Variants in ZC3H12D observed in about 807,000 individuals in gnomAD.
ZC3H12D encodes the protein zinc finger CCCH-type containing 12D.
Under a neutral mutation model 24.2 loss-of-function variants are expected in ZC3H12D, and 11 were observed. The ratio of observed to expected loss-of-function variants is 0.46; its 90% CI spans 0.29 to 0.75. The LOEUF (loss-of-function observed/expected upper bound fraction) is 0.75, where lower values mean the gene tolerates loss of function less well. Among genes scored for constraint, ZC3H12D ranks in the 30% least tolerant of loss-of-function variants. The pLI is 0.11. For synonymous variants in ZC3H12D, 333 were observed against 341.8 expected, an observed-to-expected ratio of 0.97 and a Z score of 0.28; for missense variants, 740 against 767.7, an observed-to-expected ratio of 0.96 and a Z score of 0.43.
At position 149,465,770 on chromosome 6, in the gene ZC3H12D, G is replaced by C. The variant is rs922556577; in HGVS notation, c.306-3800C>G. Among the ~76,000 whole-genome samples the C allele has an allele frequency of 9.9e-5, 15 of 151,678 alleles. No individual in the cohort carries two copies. In the South Asian group the frequency reaches 1.0e-3, roughly 11 times the overall value. ...ACGCCATCTCAAAAAAAAAAAAGGG[G>C]GGGGGAAGAGGAAGCAGATCGCTGG... On this transcript the variant is annotated intron_variant, in intron 2 of 5. Transcript: ENST00000409806.
chr6:149,455,624 T>A (rs1211525766), intron 4 of ZC3H12D, among the ~76,000 whole-genome samples: 1 of 152,148 alleles, frequency 6.6e-6, no homozygotes, highest in East Asian at 1.9e-4. Flanking sequence ...CATAGCCGGT[T>A]GGTCTGGGAT....
Position 149,450,983 on chromosome 6 carries a change from G to A in ZC3H12D, c.1284C>T (p.Ser428=), listed in dbSNP as rs757390298. The A allele has an allele frequency of 3.9e-6, 6 of 1,520,954 alleles. No homozygotes were observed. The South Asian group carries it at 6.2e-5, about 16-fold the overall frequency. The allele number at this position is 1,520,954 out of a possible 1,614,324, so 94.2% of individuals were successfully genotyped here. A position where few individuals can be genotyped will look rare whatever the true frequency, so the allele number is the denominator to read the frequency against. The part of the protein sequence containing the change: ...RPRDLHGDLL[S]PRRPPDDPWA... ...ACGGGTCGTCGGGTGGCCTGCGCGG[G>A]GAAAGCAAGTCGCCGTGCAGGTCCC... The change falls in exon 6 of 6, where the codon TCC becomes TCT. Residue 428 remains serine, a synonymous_variant. Transcript: ENST00000409806.
chr6:149,472,791 G>A (rs972718803), intron 2 of ZC3H12D, among the ~76,000 whole-genome samples: 1 of 152,040 alleles, frequency 6.6e-6, no homozygotes, highest in Non-Finnish European at 1.5e-5. Flanking sequence ...TACAACCTTA[G>A]GGCTGGGAAG....
At chr6:149,466,659 C>T (rs1335191418) in intron 2 of ZC3H12D, among the ~76,000 whole-genome samples, 1 of 152,094 alleles carries the variant, frequency 6.6e-6, no homozygotes, top group African/African-American at 2.4e-5. Context: ...GGGCGGATCA[C>T]GAGGTCAGGA....
chr6:149,453,638 G>A (rs1775936212), intron 4 of ZC3H12D, among the ~76,000 whole-genome samples: 2 of 151,954 alleles, frequency 1.3e-5, no homozygotes, highest in Non-Finnish European at 2.9e-5. Flanking sequence ...CAAAAAAAAA[G>A]AACTTCCCAG....
chr6:149,462,069 G>A, intron 2 of ZC3H12D, 99 bp from the exon 3 acceptor site: 1 of 1,425,030 alleles, frequency 7.0e-7, no homozygotes, highest in Non-Finnish European at 9.3e-7. Flanking sequence ...AATCAAGAGG[G>A]AACCAGGAAA....
At position 149,469,917 on chromosome 6, in the gene ZC3H12D, C is replaced by T. The variant is rs945451571; in HGVS notation, c.305+4322G>A. Among the ~76,000 whole-genome samples the T allele has an allele frequency of 6.6e-5, 10 of 152,116 alleles. No individual in the cohort carries two copies. The East Asian group carries it at 1.2e-3, about 18-fold the overall frequency. The stretch of plus-strand genomic sequence containing the variant: ...CCTACCCTGTGGTCCTTTCCTAGGC[C>T]GGGGGAGAGCAGAAGGAATGGTAAT... On this transcript the variant is annotated intron_variant, in intron 2 of 5. Transcript: ENST00000409806.
intron 2 of ZC3H12D, 151 bp downstream of exon 2, chr6:149,474,088 A>T: frequency 1.7e-6 from 1 of 575,194 alleles, no homozygotes; most frequent in Non-Finnish European, 2.8e-6. Flanking sequence ...GCTTAATGCC[A>T]CACAGTTACT....
At chr6:149,457,291 C>T (rs1182164678) in intron 3 of ZC3H12D, among the ~76,000 whole-genome samples, 2 of 152,188 alleles carry the variant, frequency 1.3e-5, no homozygotes, top group Non-Finnish European at 2.9e-5. Context: ...TGTATTAACC[C>T]GGACCTTGAT....
At chr6:149,474,040 C>T (rs942435091) in intron 2 of ZC3H12D, among the ~76,000 whole-genome samples, 199 bp downstream of exon 2, 2 of 152,130 alleles carry the variant, frequency 1.3e-5, no homozygotes. Context: ...CCCAACCGTA[C>T]AGATGGGAAA....
chr6:149,478,021 G>A (rs1392393484), intron 1 of ZC3H12D, among the ~76,000 whole-genome samples: 1 of 151,966 alleles, frequency 6.6e-6, no homozygotes, highest in East Asian at 1.9e-4. Context: ...ATGAAAATTA[G>A]CTGGGCATGG....
rs1234714987 is a variant in ZC3H12D, at chr6:149,450,830, G to A, written c.1437C>T (p.Ala479=). Reference sequence around the variant, plus strand: ...CGCTGTAGAGCGCGATGCGAGCCCGGGCGCGCGCGTCCCCCTCGTCGTCCT... The same window carrying A: ...CGCTGTAGAGCGCGATGCGAGCCCGAGCGCGCGCGTCCCCCTCGTCGTCCT... ...ATEDDEGDAR[A]RARIALYSVF... is the part of the protein sequence containing the mutation. The change falls in exon 6 of 6, where the codon GCC becomes GCT. Residue 479 remains alanine, a synonymous_variant. Transcript: ENST00000409806. 1 of 1,546,328 alleles carries A rather than the reference G, an allele frequency of 6.5e-7. No individual in the cohort carries two copies. The highest frequency in any genetic ancestry group is 8.7e-7 in the Non-Finnish European group (1 of 1,146,714).
intron 1 of ZC3H12D, among the ~76,000 whole-genome samples, chr6:149,477,627 A>C (rs1250402138): frequency 6.6e-6 from 1 of 152,012 alleles, no homozygotes; most frequent in Non-Finnish European, 1.5e-5. Flanking sequence ...GGTGCCACCC[A>C]CACCCTCCAT....
In ZC3H12D at chr6:149,450,485, C is replaced by T. The variant is rs981080266; in HGVS notation, c.*198G>A. Reference sequence around the variant, plus strand: ...GGGTGGACCTCCCCGCAGCAGGCCCCGGCCTCAGTGAGGATCACCAAGTGC... The same window carrying T: ...GGGTGGACCTCCCCGCAGCAGGCCCTGGCCTCAGTGAGGATCACCAAGTGC... On this transcript the variant is annotated 3_prime_UTR_variant, in exon 6 of 6. Coordinates refer to ENST00000409806, the MANE Select transcript of ZC3H12D (RefSeq NM_207360.3). 135 of 569,730 alleles carry T rather than the reference C, an allele frequency of 2.4e-4. No individual in the cohort carries two copies. Among genetic ancestry groups the T allele is most frequent in the Non-Finnish European group, 3.6e-4 (120 of 334,914 alleles). 35.3% of individuals were successfully genotyped at this position (569,730 alleles called of 1,614,324 possible). A position where few individuals can be genotyped will look rare whatever the true frequency, so the allele number is the denominator to read the frequency against.
chr6:149,458,128 CTTTTTTTTTTTT>C (rs1189920889), intron 3 of ZC3H12D, among the ~76,000 whole-genome samples: 1 of 39,756 alleles, frequency 2.5e-5, no homozygotes, highest in Non-Finnish European at 4.4e-5. Context: ...TTTTTCGTTT[CTTTTTTTTTTTT>C]TTTTTTTTTT....
In ZC3H12D at chr6:149,452,468, T is replaced by G. The variant is rs1583183252; in HGVS notation, c.787+148A>C. 1.7e-6 allele frequency: 1 copy of G among 587,076 alleles called. No individual in the cohort carries two copies. The highest frequency in any genetic ancestry group is 3.0e-5 in the South Asian group (1 of 33,576). 36.4% of individuals were successfully genotyped at this position (587,076 alleles called of 1,614,324 possible). A position where few individuals can be genotyped will look rare whatever the true frequency, so the allele number is the denominator to read the frequency against. On this transcript the variant is annotated intron_variant, in intron 5 of 5. Coordinates refer to ENST00000409806, the MANE Select transcript of ZC3H12D (RefSeq NM_207360.3). The surrounding 1 kb of genome is among the most constrained non-coding windows in gnomAD (Gnocchi z 4.0). Reference sequence around the variant, plus strand: ...TTCTACAATAACCCTGTCAGGAAAGTTAACTCTCCAGGTAGCACAGCTGGA... The same window carrying G: ...TTCTACAATAACCCTGTCAGGAAAGGTAACTCTCCAGGTAGCACAGCTGGA...
chr6:149,451,112 C>T lies in ZC3H12D; in HGVS notation c.1155G>A (p.Val385=). The T allele has an allele frequency of 4.4e-6, 6 of 1,351,022 alleles. No homozygotes were observed. The South Asian group carries it at 1.1e-4, about 25-fold the overall frequency. The allele number at this position is 1,351,022 out of a possible 1,614,324, so 83.7% of individuals were successfully genotyped here. The change falls in exon 6 of 6, where the codon GTG becomes GTA. Residue 385 remains valine, a synonymous_variant. Coordinates refer to ENST00000409806, the MANE Select transcript of ZC3H12D (RefSeq NM_207360.3). ...GGCTAGGGAGGCTGAGCGGGCCTGG[C>T]ACCCGGCCGCCCGCGGACACCCAGT... ...GPDWVSAGGR[V]PGPLSLPSPE...
intron 1 of ZC3H12D, among the ~76,000 whole-genome samples, chr6:149,477,994 C>G (rs1244640489): frequency 6.6e-6 from 1 of 151,682 alleles, no homozygotes; most frequent in East Asian, 1.9e-4. Context: ...TAGAGAAAAC[C>G]CCTCTCTACT....
chr6:149,476,102 G>A (rs781590744), intron 1 of ZC3H12D, among the ~76,000 whole-genome samples: 1 of 152,130 alleles, frequency 6.6e-6, no homozygotes, highest in Non-Finnish European at 1.5e-5. Flanking sequence ...ACATTTACTT[G>A]CATGTCTAAT....
Sources: allele counts gnomAD v4.1 joint callset (sites outside exome capture counted in the v4.1 genomes callset), GRCh38; gene constraint gnomAD v4.1.1; non-coding constraint Gnocchi (gnomAD v3.1); transcripts MANE v1.5; gene names NCBI Gene and HGNC (gene_info 2026-07-23, HGNC 2026-07-21).